WDFY1: variants seen among roughly 807,000 people sequenced by gnomAD.
WDFY1 encodes WD repeat and FYVE domain-containing protein 1.
Under a neutral mutation model 56.4 loss-of-function variants are expected in WDFY1, and 32 were observed. The ratio of observed to expected loss-of-function variants is 0.57; its 90% CI spans 0.43 to 0.76. WDFY1 has a LOEUF of 0.76. Among genes scored for constraint, WDFY1 ranks in the 30% least tolerant of loss-of-function variants. The pLI, the probability that WDFY1 is intolerant of heterozygous loss-of-function variation, is 0.00. For missense variants in WDFY1, 480 were observed against 545.7 expected, an observed-to-expected ratio of 0.88 and a Z score of 1.20; for synonymous variants, 192 against 197.3, an observed-to-expected ratio of 0.97 and a Z score of 0.23.
intron 1 of WDFY1, among the ~76,000 whole-genome samples, chr2:223,935,731 T>C (rs1430275618): frequency 6.6e-6 from 1 of 152,214 alleles, no homozygotes; most frequent in Non-Finnish European, 1.5e-5. Flanking sequence ...TAATACCTGA[T>C]TGTAATTAAC....
intron 2 of WDFY1, 21 bp from the exon 3 acceptor site, chr2:223,912,347 A>G: frequency 1.3e-6 from 2 of 1,587,974 alleles, no homozygotes; most frequent in Non-Finnish European, 1.7e-6. Context: ...GACAAAGACC[A>G]CATTACCAGC....
chr2:223,897,340 T>A, intron 6 of WDFY1, among the ~76,000 whole-genome samples: 1 of 141,808 alleles, frequency 7.1e-6, no homozygotes, highest in South Asian at 2.2e-4. Flanking sequence ...ATGTGTCCCC[T>A]CTAAATTTCG....
chr2:223,936,113 G>A (rs1179066017), intron 1 of WDFY1, among the ~76,000 whole-genome samples: 1 of 150,082 alleles, frequency 6.7e-6, no homozygotes, highest in African/African-American at 2.5e-5. Context: ...CCAAGCTGGA[G>A]GGCAGCAGCA....
intron 1 of WDFY1, among the ~76,000 whole-genome samples, chr2:223,929,161 C>T (rs1694033931): frequency 7.2e-6 from 1 of 139,752 alleles, no homozygotes; most frequent in Non-Finnish European, 1.5e-5. Context: ...CCCTGTCTAA[C>T]TTCTTTTTTT....
chr2:223,909,831 ACCGCCACTCTG>A (rs1693662327), intron 3 of WDFY1, among the ~76,000 whole-genome samples: 1 of 151,910 alleles, frequency 6.6e-6, no homozygotes, highest in Non-Finnish European at 1.5e-5. Context: ...TGATTCTCCC[ACCGCCACTCTG>A]GCCGTGCCTC....
At chr2:223,906,954 CCATTATTATTATTAT>C (rs1693606514) in intron 3 of WDFY1, among the ~76,000 whole-genome samples, 2 of 148,592 alleles carry the variant, frequency 1.3e-5, no homozygotes, top group Admixed American at 6.7e-5. Flanking sequence ...ATTACTACTA[CCATTATTATTATTAT>C]TATTATTATT....
chr2:223,895,357 A>G (rs1693347315), intron 7 of WDFY1, 147 bp downstream of exon 7: 1 of 1,169,804 alleles, frequency 8.5e-7, no homozygotes, highest in African/African-American at 1.5e-5. Context: ...GCTGACAGAA[A>G]GCAGTTAAAA....
intron 7 of WDFY1, among the ~76,000 whole-genome samples, chr2:223,895,051 A>C (rs940693392): frequency 5.3e-5 from 8 of 152,236 alleles, no homozygotes; most frequent in Admixed American, 6.5e-5. Context: ...GTCAAACTAG[A>C]CAACATTTCT....
chr2:223,895,414 T>G, intron 7 of WDFY1, 90 bp downstream of exon 7: 1 of 1,586,184 alleles, frequency 6.3e-7, no homozygotes, highest in Admixed American at 1.7e-5. Flanking sequence ...GAACGTGGGG[T>G]TTGCAGAAAG....
chr2:223,884,360 T>C (rs1020816114), intron 9 of WDFY1, among the ~76,000 whole-genome samples: 1 of 152,176 alleles, frequency 6.6e-6, no homozygotes, highest in African/African-American at 2.4e-5. Flanking sequence ...TAATAAGTAA[T>C]AGTCTTAAAC....
chr2:223,884,845 G>T, intron 8 of WDFY1, 96 bp from the exon 9 acceptor site: 232 of 851,560 alleles, frequency 2.7e-4, no homozygotes, highest in Non-Finnish European at 3.6e-4. Flanking sequence ...GCCAAGGTTA[G>T]TATTTCTTTT....
At chr2:223,931,664 G>A (rs926025165) in intron 1 of WDFY1, among the ~76,000 whole-genome samples, 3 of 149,938 alleles carry the variant, frequency 2.0e-5, no homozygotes, top group African/African-American at 7.4e-5. Flanking sequence ...GCATCTTGCA[G>A]GAGTCATTAA....
At chr2:223,888,494 A>G (rs930694316) in intron 8 of WDFY1, among the ~76,000 whole-genome samples, 20 of 152,304 alleles carry the variant, frequency 1.3e-4, no homozygotes, top group Admixed American at 1.0e-3. Context: ...CAGTACATCA[A>G]TGGATTTCCT....
At chr2:223,889,398 C>T (rs973968399) in intron 8 of WDFY1, among the ~76,000 whole-genome samples, 3 of 152,174 alleles carry the variant, frequency 2.0e-5, no homozygotes, top group African/African-American at 7.2e-5. Context: ...GGCTCTGTGT[C>T]CCTACCCACA....
At chr2:223,918,039 G>C in intron 1 of WDFY1, 29 bp from the exon 2 acceptor site, 1 of 1,602,648 alleles carries the variant, frequency 6.2e-7, no homozygotes, top group Non-Finnish European at 8.5e-7. Flanking sequence ...AAAAAATAGA[G>C]TAGGTTTTAG....
At chr2:223,914,224 TG>T (rs1288560383) in intron 2 of WDFY1, among the ~76,000 whole-genome samples, 1 of 152,094 alleles carries the variant, frequency 6.6e-6, no homozygotes, top group African/African-American at 2.4e-5. Context: ...CTCGAACTCC[TG>T]ACCTCAAATG....
chr2:223,917,277 A>G lies in WDFY1; in HGVS notation c.205+666T>C, dbSNP rs73994436. Among the ~76,000 whole-genome samples, 1,343 of 152,342 alleles carry G rather than the reference A, an allele frequency of 8.8e-3. 21 individuals are homozygous for G. Among genetic ancestry groups the G allele is most frequent in the African/African-American group, 0.03 (1,252 of 41,568 alleles). On this transcript the variant is annotated intron_variant, in intron 2 of 11. Coordinates refer to ENST00000233055, the MANE Select transcript of WDFY1 (RefSeq NM_020830.5). ...GTGAAAAGGTTGGGCAAAGGTAGTC[A>G]TGACGCTATGGAGGGCACAGTCCTT...
At chr2:223,908,145 C>T (rs1693633439) in intron 3 of WDFY1, among the ~76,000 whole-genome samples, 2 of 152,176 alleles carry the variant, frequency 1.3e-5, no homozygotes, top group Admixed American at 6.5e-5. Flanking sequence ...CATGAGCCAC[C>T]ACACCTGGTC....
At chr2:223,890,932 C>T (rs1381361557) in intron 8 of WDFY1, among the ~76,000 whole-genome samples, 1 of 152,188 alleles carries the variant, frequency 6.6e-6, no homozygotes, top group Non-Finnish European at 1.5e-5. Context: ...AAATCTGCTT[C>T]CAACTCGACA....
Sources: gnomAD v4.1 joint callset for allele counts (sites outside exome capture counted in the v4.1 genomes callset) on GRCh38, gnomAD v4.1.1 for gene constraint, MANE v1.5 for transcripts, NCBI Gene and HGNC (gene_info 2026-07-23, HGNC 2026-07-21) for gene names.